The following CRACD variants were observed in gnomAD, a reference collection of about 807,000 sequenced individuals.
CRACD encodes capping protein-inhibiting regulator of actin dynamics.
CRACD carries 56 observed loss-of-function variants against 106.8 expected under a neutral mutation model. That is an observed-to-expected ratio of 0.52 (90% CI 0.42 to 0.66). The LOEUF (loss-of-function observed/expected upper bound fraction) is 0.66, where lower values mean the gene tolerates loss of function less well. Among genes scored for constraint, CRACD ranks in the 30% least tolerant of loss-of-function variants. The pLI, the probability that CRACD is intolerant of heterozygous loss-of-function variation, is 0.00. For synonymous variants in CRACD, 754 were observed against 670.8 expected (o/e 1.12, Z -1.92); for missense variants, 1,730 against 1,623.2 (o/e 1.07, Z -1.13).
chr4:56,316,224 C>G lies in CRACD; in HGVS notation c.2722C>G (p.Gln908Glu). 1 of 1,614,066 alleles carries G rather than the reference C, an allele frequency of 6.2e-7. No homozygotes were observed. Among genetic ancestry groups the G allele is most frequent in the Non-Finnish European group, 8.5e-7 (1 of 1,179,916 alleles). Residue 908 changes from glutamine (Q) to glutamate (E), a missense_variant, in exon 8 of 11, where the codon CAA (glutamine) becomes GAA (glutamate). Gln to Glu is a conservative substitution (Grantham distance 29). Transcript: ENST00000682029. ...VALKHGPSLPQERKQAPSTRR... is the reference protein window; with the variant it reads ...VALKHGPSLPEERKQAPSTRR... ...CCTCAAGCATGGTCCATCCCTCCCC[C>G]AAGAGCGGAAGCAAGCCCCTTCCAC...
At chr4:56,294,913 CAAAAAAA>C (rs56200534) in intron 3 of CRACD, among the ~76,000 whole-genome samples, 1 of 72,162 alleles carries the variant, frequency 1.4e-5, no homozygotes, top group South Asian at 5.2e-4. Context: ...GACCTTGTCT[CAAAAAAA>C]AAAAAAAAAA....
chr4:56,095,335 G>A (rs964294715), intron 1 of CRACD, among the ~76,000 whole-genome samples: 1 of 152,166 alleles, frequency 6.6e-6, no homozygotes, highest in African/African-American at 2.4e-5. Context: ...TAATAAACTA[G>A]GAATCAAGAG....
At position 56,082,789 on chromosome 4, in the gene CRACD, C is replaced by T. The variant is rs192453492; in HGVS notation, c.-336+33490C>T. On this transcript the variant is annotated intron_variant, in intron 1 of 10. Coordinates refer to ENST00000682029, the MANE Select transcript of CRACD (RefSeq NM_001393381.1). ...ATTTGGCAAAAACAAAAAGCTTTTACTCAGTGCCCCCAAGAACAGAGGACA... is the reference window on the plus strand; with the variant it reads ...ATTTGGCAAAAACAAAAAGCTTTTATTCAGTGCCCCCAAGAACAGAGGACA... Among the ~76,000 whole-genome samples the T allele has an allele frequency of 3.9e-4, 60 of 151,954 alleles. 1 individual carries two copies. The highest frequency in any genetic ancestry group is 2.2e-3 in the Admixed American group (33 of 15,274).
rs533441512 is a variant in CRACD at position 56,247,351 on chromosome 4, T to C, written c.-188-24970T>C. Among the ~76,000 whole-genome samples the C allele has an allele frequency of 2.7e-4, 41 of 152,334 alleles. No individual in the cohort carries two copies. The South Asian group carries it at 5.0e-3, about 18-fold the overall frequency. ...TTTCTTGCCGTGGCTTTATTTCTTCTGTTAGGAGTAATTGATGATATATTA... is the reference window on the plus strand; with the variant it reads ...TTTCTTGCCGTGGCTTTATTTCTTCCGTTAGGAGTAATTGATGATATATTA... On this transcript the variant is annotated intron_variant, in intron 2 of 10. Coordinates refer to ENST00000682029, the MANE Select transcript of CRACD (RefSeq NM_001393381.1).
intron 2 of CRACD, among the ~76,000 whole-genome samples, chr4:56,215,580 T>C (rs1210298118): frequency 6.6e-6 from 1 of 152,234 alleles, no homozygotes; most frequent in East Asian, 1.9e-4. Flanking sequence ...CTATGAGCTC[T>C]TGAGAAACGA....
chr4:56,279,441 A>C (rs1214466019), intron 3 of CRACD, among the ~76,000 whole-genome samples: 2 of 152,220 alleles, frequency 1.3e-5, no homozygotes, highest in Non-Finnish European at 2.9e-5. Context: ...GAACTCAAAC[A>C]AATTTACAAG....
chr4:56,107,100 G>A (rs566817947), intron 1 of CRACD, among the ~76,000 whole-genome samples: 1 of 152,168 alleles, frequency 6.6e-6, no homozygotes, highest in Non-Finnish European at 1.5e-5. Flanking sequence ...AGCCTACTGA[G>A]TAGCTGGGAC....
chr4:56,227,536 G>T (rs1476765291), intron 2 of CRACD, among the ~76,000 whole-genome samples: 1 of 152,120 alleles, frequency 6.6e-6, no homozygotes, highest in Non-Finnish European at 1.5e-5. Flanking sequence ...CCTTATAAAA[G>T]GCAGAACTAG....
chr4:56,100,044 C>T (rs1211430022), intron 1 of CRACD, among the ~76,000 whole-genome samples: 1 of 152,120 alleles, frequency 6.6e-6, no homozygotes, highest in Non-Finnish European at 1.5e-5. Context: ...AGTTTGAGAC[C>T]AGCCTGGCTA....
chr4:56,056,484 A>G (rs528282137), intron 1 of CRACD, among the ~76,000 whole-genome samples: 2 of 152,048 alleles, frequency 1.3e-5, no homozygotes, highest in South Asian at 4.1e-4. Flanking sequence ...TAAAATTCAT[A>G]CTAGGGCCAG....
rs372767309 is a variant in CRACD at position 56,096,554 on chromosome 4, A to T, written c.-336+47255A>T. Among the ~76,000 whole-genome samples, 47 of 152,250 alleles carry T rather than the reference A, an allele frequency of 3.1e-4. 1 individual carries two copies. In the South Asian group the frequency reaches 8.5e-3, roughly 28 times the overall value. On this transcript the variant is annotated intron_variant, in intron 1 of 10. Transcript: ENST00000682029. ...ATGGTGAAACCCCATCTCTACCAAA[A>T]AATGCAAAAATTAGCTGCACGTGGT...
intron 2 of CRACD, among the ~76,000 whole-genome samples, chr4:56,247,005 G>A (rs189752965): frequency 1.4e-4 from 22 of 152,274 alleles, no homozygotes; most frequent in Non-Finnish European, 2.1e-4. Flanking sequence ...TTCATAGTTG[G>A]CCCTCTGTAA....
At chr4:56,168,157 GATC>G (rs1289861067) in intron 1 of CRACD, among the ~76,000 whole-genome samples, 10 of 152,170 alleles carry the variant, frequency 6.6e-5, no homozygotes, top group Admixed American at 3.9e-4. Context: ...CTTGGGAGGA[GATC>G]ATTCAGCCTT....
At chr4:56,262,726 G>C (rs114903150) in intron 2 of CRACD, among the ~76,000 whole-genome samples, 2,641 of 152,282 alleles carry the variant, frequency 0.017, 35 homozygotes, top group Middle Eastern at 0.031. Context: ...TGACTGTAGA[G>C]CATTAAGAGA....
At chr4:56,233,315 A>G (rs1739755140) in intron 2 of CRACD, among the ~76,000 whole-genome samples, 2 of 151,386 alleles carry the variant, frequency 1.3e-5, no homozygotes, top group African/African-American at 4.9e-5. Context: ...GCCTTGCTAT[A>G]TTTCCCAGGC....
chr4:56,307,388 T>C (rs528081064), intron 4 of CRACD, 147 bp from the exon 5 acceptor site: 47 of 630,380 alleles, frequency 7.5e-5, no homozygotes, highest in Non-Finnish European at 1.2e-4. Flanking sequence ...CAGGATGGCA[T>C]CATGGTTTCC....
chr4:56,243,062 AAT>A (rs1025508883), intron 2 of CRACD, among the ~76,000 whole-genome samples: 1 of 152,196 alleles, frequency 6.6e-6, no homozygotes, highest in Non-Finnish European at 1.5e-5. Context: ...CCTTTTTACT[AAT>A]AGAACTTCCC....
At chr4:56,145,958 G>T (rs1296419811) in intron 1 of CRACD, among the ~76,000 whole-genome samples, 2 of 151,820 alleles carry the variant, frequency 1.3e-5, no homozygotes, top group African/African-American at 4.8e-5. Flanking sequence ...TTATTTTGTT[G>T]TCCTTTTTCT....
At chr4:56,158,688 G>A (rs1735843048) in intron 1 of CRACD, among the ~76,000 whole-genome samples, 1 of 152,224 alleles carries the variant, frequency 6.6e-6, no homozygotes, top group South Asian at 2.1e-4. Context: ...GAGAATGTGT[G>A]TCACAAGGTG....
Sources: allele counts gnomAD v4.1 joint callset (sites outside exome capture counted in the v4.1 genomes callset), GRCh38; gene constraint gnomAD v4.1.1; transcripts MANE v1.5; gene names NCBI Gene and HGNC (gene_info 2026-07-23, HGNC 2026-07-21).